The following PDE3A variants were observed in gnomAD, a reference collection of about 807,000 sequenced individuals.
PDE3A encodes cGMP-inhibited 3',5'-cyclic phosphodiesterase 3A.
In PDE3A, 43 loss-of-function variants were observed where a neutral mutation model predicts 98.3. That is an observed-to-expected ratio of 0.44 (90% CI 0.34 to 0.56). The LOEUF is 0.56. PDE3A is among the 20% of genes least tolerant of loss of function. PDE3A has a pLI of 0.01. For synonymous variants in PDE3A, 663 were observed against 567.9 expected, an observed-to-expected ratio of 1.17 and a Z score of -2.38; for missense variants, 1,427 against 1,440.7, an observed-to-expected ratio of 0.99 and a Z score of 0.15.
intron 2 of PDE3A, among the ~76,000 whole-genome samples, chr12:20,567,945 T>A (rs1412837450): frequency 6.6e-6 from 1 of 152,052 alleles, no homozygotes; most frequent in East Asian, 1.9e-4. Flanking sequence ...TATTTTAACT[T>A]CACATGATAA....
chr12:20,380,575 A>G (rs566980874), intron 1 of PDE3A, among the ~76,000 whole-genome samples: 3 of 151,960 alleles, frequency 2.0e-5, no homozygotes, highest in African/African-American at 7.2e-5. Context: ...TCAGAGACAT[A>G]TCTTTTGAGT....
At chr12:20,591,897 C>T (rs1000327706) in intron 2 of PDE3A, among the ~76,000 whole-genome samples, 1 of 152,168 alleles carries the variant, frequency 6.6e-6, no homozygotes, top group Non-Finnish European at 1.5e-5. Context: ...TGGGCAAACA[C>T]ATCAGTGAAT....
At chr12:20,419,406 C>T (rs1944474766) in intron 1 of PDE3A, among the ~76,000 whole-genome samples, 1 of 151,992 alleles carries the variant, frequency 6.6e-6, no homozygotes, top group Admixed American at 6.5e-5. Context: ...GATTCACCTG[C>T]CTTAGCCTCC....
At chr12:20,598,919 T>G (rs1264271824) in intron 2 of PDE3A, among the ~76,000 whole-genome samples, 1 of 152,206 alleles carries the variant, frequency 6.6e-6, no homozygotes, top group Non-Finnish European at 1.5e-5. Flanking sequence ...ATCAGCCTTC[T>G]TCTATGCCAC....
rs908053848 is a variant in PDE3A at position 20,448,478 on chromosome 12, C to A, written c.960+78234C>A. 4.6e-5 allele frequency among the ~76,000 whole-genome samples: 7 copies of A among 152,190 alleles called. No homozygotes were observed. The East Asian group carries it at 1.4e-3, about 29-fold the overall frequency. ...ATTAGTGAAGAGGACAATATTGTAA[C>A]CTACAAAAATTCTGTGGTAGGTATG... On this transcript the variant is annotated intron_variant, in intron 1 of 15. Transcript: ENST00000359062.
At chr12:20,386,082 A>AATATATATAT (rs1472136882) in intron 1 of PDE3A, among the ~76,000 whole-genome samples, 1 of 27,388 alleles carries the variant, frequency 3.7e-5, no homozygotes, top group African/African-American at 1.0e-4. Context: ...AATATATATA[A>AATATATATAT]ATATATAAAT....
At chr12:20,492,094 C>G (rs1235475534) in intron 1 of PDE3A, among the ~76,000 whole-genome samples, 1 of 152,072 alleles carries the variant, frequency 6.6e-6, no homozygotes, top group East Asian at 1.9e-4. Context: ...TATTCTTATG[C>G]CTCAGCCTTC....
At chr12:20,602,393 G>A (rs1186990789) in intron 2 of PDE3A, among the ~76,000 whole-genome samples, 1 of 152,168 alleles carries the variant, frequency 6.6e-6, no homozygotes, top group Non-Finnish European at 1.5e-5. Context: ...ACTTTGAGTT[G>A]TTACGTGAGT....
At chr12:20,521,404 T>G (rs929293668) in intron 1 of PDE3A, among the ~76,000 whole-genome samples, 9 of 152,082 alleles carry the variant, frequency 5.9e-5, no homozygotes, top group Non-Finnish European at 8.8e-5. Flanking sequence ...TAGCCAGTCA[T>G]TTTGAAAGGT....
intron 1 of PDE3A, among the ~76,000 whole-genome samples, chr12:20,448,899 T>C (rs1945009885): frequency 6.6e-6 from 1 of 152,148 alleles, no homozygotes; most frequent in African/African-American, 2.4e-5. Context: ...CAAATGTCTG[T>C]TTCCATGCAT....
intron 1 of PDE3A, among the ~76,000 whole-genome samples, chr12:20,495,014 T>A (rs1311052586): frequency 6.6e-6 from 1 of 152,182 alleles, no homozygotes; most frequent in Non-Finnish European, 1.5e-5. Context: ...CGATTCTGAA[T>A]CATTATTTAT....
At position 20,370,214 on chromosome 12, in the gene PDE3A, G is replaced by T. The variant is rs752145483; in HGVS notation, c.930G>T (p.Arg310Ser). ...MSGCSSKSHR[R>S]TSLPCIPREQ... ...GCTGCAGCAGCAAGTCCCATCGGAG[G>T]ACCTCCCTGCCCTGTATACCGAGGG... The change falls in exon 1 of 16, where the codon AGG becomes AGT. Residue 310 changes from arginine to serine, a missense_variant. Physicochemically the swap from Arg to Ser is moderately radical, Grantham distance 110 (BLOSUM62 -1). Coordinates refer to ENST00000359062, the MANE Select transcript of PDE3A (RefSeq NM_000921.5). The T allele has an allele frequency of 1.8e-5, 29 of 1,600,004 alleles. No homozygotes were observed. Among genetic ancestry groups the T allele is most frequent in the Middle Eastern group, 1.7e-4 (1 of 5,992 alleles).
chr12:20,572,199 G>T, intron 2 of PDE3A: 1 of 1,025,096 alleles, frequency 9.8e-7, no homozygotes, highest in Admixed American at 2.7e-5. Context: ...GTTCTATAAT[G>T]ATTTTCAACA....
intron 1 of PDE3A, among the ~76,000 whole-genome samples, chr12:20,519,371 A>G (rs1285885136): frequency 6.6e-6 from 1 of 152,120 alleles, no homozygotes. Flanking sequence ...ATTCACTTTT[A>G]TGTCTACAAT....
intron 1 of PDE3A, among the ~76,000 whole-genome samples, chr12:20,385,661 C>T (rs1275392984): frequency 1.3e-5 from 2 of 151,436 alleles, no homozygotes; most frequent in Non-Finnish European, 2.9e-5. Flanking sequence ...AAGCTGGAAA[C>T]CATCATTCTC....
intron 2 of PDE3A, among the ~76,000 whole-genome samples, chr12:20,598,691 T>TAGAG (rs1943522949): frequency 1.3e-5 from 2 of 152,196 alleles, no homozygotes; most frequent in African/African-American, 4.8e-5. Context: ...CTGGGGTACT[T>TAGAG]AGAGATTTCT....
chr12:20,486,981 G>A (rs7978265), intron 1 of PDE3A, among the ~76,000 whole-genome samples: 3,091 of 152,234 alleles, frequency 0.02, 105 homozygotes, highest in African/African-American at 0.071. Flanking sequence ...TTAGAGATAC[G>A]TGTAGAGACT....
At chr12:20,524,641 A>G (rs912632299) in intron 1 of PDE3A, among the ~76,000 whole-genome samples, 1 of 151,766 alleles carries the variant, frequency 6.6e-6, no homozygotes, top group African/African-American at 2.4e-5. Flanking sequence ...AAAATATTTT[A>G]TATATAGCTA....
At chr12:20,570,219 C>T (rs1942764536) in intron 2 of PDE3A, among the ~76,000 whole-genome samples, 2 of 151,614 alleles carry the variant, frequency 1.3e-5, no homozygotes, top group Admixed American at 1.3e-4. Context: ...CCAGCTTGGC[C>T]AATATGGTGA....
Sources: allele counts gnomAD v4.1 joint callset (sites outside exome capture counted in the v4.1 genomes callset), GRCh38; gene constraint gnomAD v4.1.1; transcripts MANE v1.5; gene names NCBI Gene and HGNC (gene_info 2026-07-23, HGNC 2026-07-21).